The following CACNA1B variants were observed in gnomAD, a reference collection of about 807,000 sequenced individuals.
CACNA1B encodes the protein calcium voltage-gated channel subunit alpha1 B, also known as voltage-dependent N-type calcium channel subunit alpha-1B.
A neutral mutation model predicts 247.2 loss-of-function variants in CACNA1B; 70 were observed. The ratio of observed to expected loss-of-function variants is 0.28; its 90% CI spans 0.23 to 0.35. The LOEUF (loss-of-function observed/expected upper bound fraction) is 0.35, where lower values mean the gene tolerates loss of function less well. CACNA1B is among the 10% of genes least tolerant of loss of function. CACNA1B has a pLI of 1.00. For synonymous variants in CACNA1B, 1,231 were observed against 1,294.4 expected (o/e 0.95, Z 1.05); for missense variants, 2,367 against 3,197.4 (o/e 0.74, Z 6.26).
At chr9:138,115,444 C>A in intron 41 of CACNA1B, 108 bp from the exon 42 acceptor site, 1 of 1,218,488 alleles carries the variant, frequency 8.2e-7, no homozygotes, top group South Asian at 1.5e-5. Flanking sequence ...TTAGGCTGGG[C>A]TTGAACATGA....
chr9:137,920,975 A>G (rs1957470594), intron 6 of CACNA1B, among the ~76,000 whole-genome samples: 1 of 152,228 alleles, frequency 6.6e-6, no homozygotes, highest in South Asian at 2.1e-4. Context: ...ACTTTAGATA[A>G]CTATTTTCAT....
chr9:138,068,621 T>G, intron 31 of CACNA1B: 1 of 518,944 alleles, frequency 1.9e-6, no homozygotes, highest in South Asian at 1.4e-5. Context: ...ACAGAAATCT[T>G]TATTCATCAA....
chr9:138,066,878 T>C (rs1488565531), intron 31 of CACNA1B, among the ~76,000 whole-genome samples: 1 of 152,000 alleles, frequency 6.6e-6, no homozygotes, highest in African/African-American at 2.4e-5. Flanking sequence ...AGAAGAAAAG[T>C]ATAAGAATAG....
chr9:137,939,844 AAAT>A (rs1252942022), intron 6 of CACNA1B, among the ~76,000 whole-genome samples: 11 of 84,292 alleles, frequency 1.3e-4, no homozygotes, highest in Admixed American at 9.5e-4. Context: ...ATAAATAAAT[AAAT>A]AAAAAAAAAT....
chr9:137,913,080 C>T lies in CACNA1B; in HGVS notation c.531-100C>T. 1 of 880,896 alleles carries T rather than the reference C, an allele frequency of 1.1e-6. No homozygotes were observed. The highest frequency in any genetic ancestry group is 1.8e-6 in the Non-Finnish European group (1 of 548,498). The allele number at this position is 880,896 out of a possible 1,614,324, so 54.6% of individuals were successfully genotyped here. On this transcript the variant is annotated intron_variant, in intron 3 of 46. Coordinates refer to ENST00000371372, the MANE Select transcript of CACNA1B (RefSeq NM_000718.4). The surrounding 1 kb of genome is among the most constrained non-coding windows in gnomAD (Gnocchi z 5.2). The stretch of plus-strand genomic sequence containing the variant: ...TGGGGACACAGGAATGAAGGTGTCA[C>T]TGCTCTTGGGAGACATGACCCTGGT...
At position 138,118,077 on chromosome 9, in the gene CACNA1B, C is replaced by A; in HGVS notation, c.5909C>A (p.Ala1970Glu). The change falls in exon 43 of 47, where the codon GCA (alanine) becomes GAA (glutamate). Residue 1970 changes from alanine (A) to glutamate (E), a missense_variant. Ala to Glu is a moderately radical substitution (Grantham distance 107, BLOSUM62 -1). Transcript: ENST00000371372. ...GAGATCCCTGTGGGGCGGTCAGGAGCACTGGTGAGCACTCCCGGGGGCTAG... is the reference window on the plus strand; with the variant it reads ...GAGATCCCTGTGGGGCGGTCAGGAGAACTGGTGAGCACTCCCGGGGGCTAG... ...STEIPVGRSG[A>E]LAVDVQMQSI... is the part of the protein sequence containing the mutation. 2 of 1,564,134 alleles carry A rather than the reference C, an allele frequency of 1.3e-6. No homozygotes were observed. Among genetic ancestry groups the A allele is most frequent in the Non-Finnish European group, 1.7e-6 (2 of 1,155,158 alleles).
intron 6 of CACNA1B, among the ~76,000 whole-genome samples, chr9:137,944,004 G>A (rs1957764613): frequency 6.6e-6 from 1 of 152,214 alleles, no homozygotes; most frequent in Non-Finnish European, 1.5e-5. Flanking sequence ...CCCTACAGGT[G>A]TCTATTAGTA....
At chr9:138,065,229 C>G (rs1173394739) in intron 31 of CACNA1B, among the ~76,000 whole-genome samples, 5 of 152,230 alleles carry the variant, frequency 3.3e-5, no homozygotes, top group African/African-American at 1.2e-4. Flanking sequence ...CCACCTTGCT[C>G]CTGCCACACA....
At chr9:138,008,475 G>A (rs533556041) in intron 16 of CACNA1B, among the ~76,000 whole-genome samples, 2 of 152,370 alleles carry the variant, frequency 1.3e-5, no homozygotes, top group East Asian at 3.9e-4. Flanking sequence ...TGGCCTCAGT[G>A]TCCTGCCCTG....
intron 6 of CACNA1B, among the ~76,000 whole-genome samples, chr9:137,942,027 C>T (rs992772042): frequency 6.6e-6 from 1 of 152,134 alleles, no homozygotes; most frequent in South Asian, 2.1e-4. Flanking sequence ...AAGAAACAGT[C>T]GGCAGAGTAA....
In CACNA1B at chr9:138,120,430, C is replaced by A. The variant is rs1962045517; in HGVS notation, c.6238+58C>A. 3 of 1,486,036 alleles carry A rather than the reference C, an allele frequency of 2.0e-6. No homozygotes were observed. The East Asian group carries it at 7.4e-5, about 37-fold the overall frequency. The allele number at this position is 1,486,036 out of a possible 1,614,324, so 92.1% of individuals were successfully genotyped here. A position where few individuals can be genotyped will look rare whatever the true frequency, so the allele number is the denominator to read the frequency against. On this transcript the variant is annotated intron_variant, in intron 45 of 46. Transcript: ENST00000371372. ...GGAGCTATGGCCCGAGTCAGGGGGT[C>A]CAAGCGGCCCATGGGGGACCCTCTT...
rs1959605242 is a variant in CACNA1B at position 138,058,711 on chromosome 9, A to G, written c.4451A>G (p.Asn1484Ser). The stretch of plus-strand genomic sequence containing the variant: ...TTCATCATGGCCATGATAGCCCTCA[A>G]CACTGTGGTGCTGATGATGAAGGTG... ...EYFIMAMIALNTVVLMMKFYD... is the reference protein window; with the variant it reads ...EYFIMAMIALSTVVLMMKFYD... Residue 1484 changes from asparagine to serine, a missense_variant, in exon 29 of 47, where the codon AAC (asparagine) becomes AGC (serine). Transcript: ENST00000371372. This position sits in a 1 kb window ranked among gnomAD's most constrained non-coding sequence, Gnocchi z 4.7. The G allele has an allele frequency of 6.2e-7, 1 of 1,608,782 alleles. No individual in the cohort carries two copies. The highest frequency in any genetic ancestry group is 8.5e-7 in the Non-Finnish European group (1 of 1,177,512).
chr9:138,093,580 A>C (rs1273445333), intron 36 of CACNA1B, among the ~76,000 whole-genome samples: 1 of 151,844 alleles, frequency 6.6e-6, no homozygotes, highest in African/African-American at 2.4e-5. Flanking sequence ...GGCTCTACTA[A>C]AAATACAAAA....
rs972861993 is a variant in CACNA1B at position 137,973,849 on chromosome 9, A to G, written c.1544-2058A>G. ...GGCAGACAGGATGTTGGAGGATTTC[A>G]GATCTCTTTCTCTGAAAGTTTTACC... On this transcript the variant is annotated intron_variant, in intron 11 of 46. Coordinates refer to ENST00000371372, the MANE Select transcript of CACNA1B (RefSeq NM_000718.4). The surrounding 1 kb of genome is among the most constrained non-coding windows in gnomAD (Gnocchi z 4.1). Among the ~76,000 whole-genome samples, 2 of 152,192 alleles carry G rather than the reference A, an allele frequency of 1.3e-5. No homozygotes were observed. The highest frequency in any genetic ancestry group is 2.9e-5 in the Non-Finnish European group (2 of 68,028).
At position 138,023,497 on chromosome 9, in the gene CACNA1B, C is replaced by A; in HGVS notation, c.2754C>A (p.His918Gln). The A allele has an allele frequency of 9.2e-7, 1 of 1,084,208 alleles. No individual in the cohort carries two copies. Among genetic ancestry groups the A allele is most frequent in the Non-Finnish European group, 1.1e-6 (1 of 898,764 alleles). 67.2% of individuals were successfully genotyped at this position (1,084,208 alleles called of 1,614,324 possible). A position where few individuals can be genotyped will look rare whatever the true frequency, so the allele number is the denominator to read the frequency against. ...RGPGPEGGRR[H>Q]HRRGSPEEAA... ...CAGGCCCCGAGGGCGGCCGGCGGCA[C>A]CACCGGCGCGGCTCCCCGGAGGAGG... The change falls in exon 19 of 47, where the codon CAC becomes CAA. Residue 918 changes from histidine (H) to glutamine (Q), a missense_variant. His to Gln is a conservative substitution (Grantham distance 24). This residue lies in a region of CACNA1B where 631 missense variants were observed against 631.1 expected (regional missense o/e 1.00). Transcript: ENST00000371372.
rs948665933 is a variant in CACNA1B, at chr9:137,971,189, G to A, written c.1334-194G>A. ...ATCTGGCTCTCACATCTGGCACCCA[G>A]TAACCATGGAGATCATCAGGGCCTT... On this transcript the variant is annotated intron_variant, in intron 10 of 46. Coordinates refer to ENST00000371372, the MANE Select transcript of CACNA1B (RefSeq NM_000718.4). This position sits in a 1 kb window ranked among gnomAD's most constrained non-coding sequence, Gnocchi z 4.4. Among the ~76,000 whole-genome samples, 5 of 152,180 alleles carry A rather than the reference G, an allele frequency of 3.3e-5. No homozygotes were observed. Among genetic ancestry groups the A allele is most frequent in the African/African-American group, 1.2e-4 (5 of 41,426 alleles).
rs5901129 is a variant in CACNA1B, at chr9:138,123,560, A to ATGTGTG, written c.*1585_*1590dup. 1.3e-5 allele frequency: 2 copies of ATGTGTG among 149,472 alleles called. No individual in the cohort carries two copies. The highest frequency in any genetic ancestry group is 4.9e-5 in the African/African-American group (2 of 40,950). 9.3% of individuals were successfully genotyped at this position (149,472 alleles called of 1,614,324 possible). On this transcript the variant is annotated 3_prime_UTR_variant, in exon 47 of 47. Transcript: ENST00000371372. The stretch of plus-strand genomic sequence containing the variant: ...ATTCTCCTCAAAGAAATTGTGTGTG[A>ATGTGTG]TGTGTGTGTGTGTGTGTGTGTGTGT...
intron 3 of CACNA1B, chr9:137,890,234 C>T (rs1439579965): frequency 2.7e-5 from 4 of 149,848 alleles, no homozygotes; most frequent in Admixed American, 6.7e-5. Context: ...CTGGCATAGC[C>T]GACCCAAGGG....
At chr9:138,023,931 G>A in intron 19 of CACNA1B, 120 bp downstream of exon 19, 1 of 607,396 alleles carries the variant, frequency 1.6e-6, no homozygotes, top group East Asian at 3.1e-5. Context: ...ACGCTGCCAT[G>A]TCCAGAGCCG....
Sources: gnomAD v4.1 joint callset for allele counts (sites outside exome capture counted in the v4.1 genomes callset) on GRCh38, gnomAD v4.1.1 for gene constraint, gnomAD v4.1.1 regional missense constraint, Gnocchi (gnomAD v3.1) non-coding constraint, MANE v1.5 for transcripts, NCBI Gene and HGNC (gene_info 2026-07-23, HGNC 2026-07-21) for gene names.